The following ZBTB16 variants were observed in gnomAD, a reference collection of about 807,000 sequenced individuals.
The protein encoded by ZBTB16 is zinc finger and BTB domain-containing protein 16.
A neutral mutation model predicts 56.8 loss-of-function variants in ZBTB16; 8 were observed. The observed-to-expected ratio is 0.14, with a 90% CI of 0.08 to 0.25. ZBTB16 has a LOEUF of 0.25. ZBTB16 is among the 10% of genes least tolerant of loss of function. ZBTB16 has a pLI of 1.00. For missense variants in ZBTB16, 625 were observed against 903.0 expected (o/e 0.69, Z 3.95); for synonymous variants, 363 against 368.5 (o/e 0.98, Z 0.17).
chr11:114,096,410 G>A (rs566257850), intron 2 of ZBTB16, among the ~76,000 whole-genome samples: 8 of 152,282 alleles, frequency 5.3e-5, no homozygotes, highest in East Asian at 1.9e-4. Flanking sequence ...TTTTTAAGCC[G>A]TTGAGAGATG....
intron 4 of ZBTB16, among the ~76,000 whole-genome samples, chr11:114,218,252 C>T (rs945104386): frequency 2.0e-5 from 3 of 152,190 alleles, no homozygotes; most frequent in African/African-American, 7.2e-5. Flanking sequence ...CTGCACGTAC[C>T]ATCCCTTTGC....
intron 2 of ZBTB16, among the ~76,000 whole-genome samples, chr11:114,077,616 C>T (rs898767260): frequency 7.2e-5 from 11 of 152,240 alleles, no homozygotes; most frequent in Non-Finnish European, 7.4e-5. Flanking sequence ...ACGGCTGTTG[C>T]GCAGAGGAGA....
chr11:114,235,720 T>C (rs912079395), intron 4 of ZBTB16, among the ~76,000 whole-genome samples: 4 of 115,260 alleles, frequency 3.5e-5, no homozygotes, highest in Admixed American at 9.5e-5. Context: ...TTCTTTCTTT[T>C]TCTTTCTTTC....
At position 114,254,350 on chromosome 11, in the gene ZBTB16, G is replaced by C. The variant is rs959096714; in HGVS notation, c.*3795G>C. Among the ~76,000 whole-genome samples, 1 of 152,044 alleles carries C rather than the reference G, an allele frequency of 6.6e-6. No individual in the cohort carries two copies. The highest frequency in any genetic ancestry group is 1.5e-5 in the Non-Finnish European group (1 of 68,024). On this transcript the variant is annotated 3_prime_UTR_variant, in exon 7 of 7. Transcript: ENST00000335953. ...TTCAGTACAATCCAAGGGATGCAAC[G>C]CGGGCTTGTTTAATCTTTGTGCCTG... is the stretch of plus-strand genomic sequence containing the variant.
chr11:114,243,668 C>T (rs116984478), intron 5 of ZBTB16, among the ~76,000 whole-genome samples: 1 of 152,314 alleles, frequency 6.6e-6, no homozygotes, highest in East Asian at 1.9e-4. Flanking sequence ...TAAGCATTTC[C>T]CCTGCAGCTA....
chr11:114,065,757 T>C (rs989243924), intron 2 of ZBTB16, among the ~76,000 whole-genome samples: 3 of 152,206 alleles, frequency 2.0e-5, no homozygotes, highest in African/African-American at 7.2e-5. Flanking sequence ...AAGGCTCAGA[T>C]GTCAAGTCTC....
chr11:114,059,960 G>C lies in ZBTB16; in HGVS notation c.-91+78G>C, dbSNP rs940042929. ...GGCTTCCCGGGGCTGGAGAGGTCTG[G>C]GGGGCGCGCGCTCGCTTCGGCCACT... On this transcript the variant is annotated intron_variant, in intron 1 of 6. Transcript: ENST00000335953. The surrounding 1 kb of genome is among the most constrained non-coding windows in gnomAD (Gnocchi z 5.3). 174 of 394,808 alleles carry C rather than the reference G, an allele frequency of 4.4e-4. No individual in the cohort carries two copies. The highest frequency in any genetic ancestry group is 7.1e-5 in the Non-Finnish European group (16 of 224,106). The allele number at this position is 394,808 out of a possible 1,614,324, so 24.5% of individuals were successfully genotyped here. A position where few individuals can be genotyped will look rare whatever the true frequency, so the allele number is the denominator to read the frequency against.
chr11:114,159,591 G>T (rs1464760345), intron 3 of ZBTB16, among the ~76,000 whole-genome samples: 1 of 152,090 alleles, frequency 6.6e-6, no homozygotes, highest in Non-Finnish European at 1.5e-5. Context: ...TGAATTGTTT[G>T]GCCACTGTTA....
chr11:114,131,349 C>G (rs1310421443), intron 2 of ZBTB16, among the ~76,000 whole-genome samples: 2 of 152,156 alleles, frequency 1.3e-5, no homozygotes, highest in Admixed American at 6.5e-5. Flanking sequence ...GCTGAGAAAC[C>G]CTTTCAAAAT....
Position 114,254,811 on chromosome 11 carries a change from C to T in ZBTB16, c.*4256C>T, listed in dbSNP as rs1010296379. Among the ~76,000 whole-genome samples the T allele has an allele frequency of 6.6e-6, 1 of 152,098 alleles. No homozygotes were observed. The highest frequency in any genetic ancestry group is 2.1e-4 in the South Asian group (1 of 4,826). On this transcript the variant is annotated 3_prime_UTR_variant, in exon 7 of 7. Coordinates refer to ENST00000335953, the MANE Select transcript of ZBTB16 (RefSeq NM_006006.6). Reference sequence around the variant, plus strand: ...AGGATGAAAGGCGAGACTCACCCTACGCGGTGGGACAGATGGGGAGAGGAA... The same window carrying T: ...AGGATGAAAGGCGAGACTCACCCTATGCGGTGGGACAGATGGGGAGAGGAA...
intron 4 of ZBTB16, among the ~76,000 whole-genome samples, chr11:114,206,036 A>G (rs1943863719): frequency 6.6e-6 from 1 of 152,136 alleles, no homozygotes; most frequent in Non-Finnish European, 1.5e-5. Flanking sequence ...TGGGACACCC[A>G]CTGGGCCCCA....
At chr11:114,128,113 G>A (rs1431078711) in intron 2 of ZBTB16, among the ~76,000 whole-genome samples, 2 of 152,190 alleles carry the variant, frequency 1.3e-5, no homozygotes, top group African/African-American at 4.8e-5. Context: ...GAAAATCTCT[G>A]TCTCTCTGGG....
intron 4 of ZBTB16, among the ~76,000 whole-genome samples, chr11:114,214,539 A>G (rs998537837): frequency 1.8e-4 from 28 of 152,214 alleles, no homozygotes; most frequent in African/African-American, 4.8e-4. Context: ...GAGAGATTCT[A>G]TATCTTGCTG....
At chr11:114,219,192 G>C (rs1365405078) in intron 4 of ZBTB16, among the ~76,000 whole-genome samples, 3 of 152,196 alleles carry the variant, frequency 2.0e-5, no homozygotes, top group Non-Finnish European at 4.4e-5. Flanking sequence ...CCAGGGTAGG[G>C]AAGGAAGAGT....
intron 3 of ZBTB16, among the ~76,000 whole-genome samples, chr11:114,163,406 GTTGT>G (rs1439747439): frequency 6.6e-6 from 1 of 151,834 alleles, no homozygotes; most frequent in African/African-American, 2.4e-5. Flanking sequence ...TGTTGTGTGG[GTTGT>G]TTTTGTTTTT....
At chr11:114,103,883 C>A (rs112581899) in intron 2 of ZBTB16, among the ~76,000 whole-genome samples, 2 of 152,084 alleles carry the variant, frequency 1.3e-5, no homozygotes, top group Admixed American at 1.3e-4. Flanking sequence ...CTGACCCTAG[C>A]GTGTGGGTTT....
intron 2 of ZBTB16, among the ~76,000 whole-genome samples, chr11:114,068,243 T>TG (rs1555125372): frequency 1.3e-5 from 2 of 151,574 alleles, no homozygotes; most frequent in Non-Finnish European, 2.9e-5. Context: ...CTTCTTGGGG[T>TG]GGGGGGGCAG....
At chr11:114,228,927 C>T (rs969045097) in intron 4 of ZBTB16, among the ~76,000 whole-genome samples, 8 of 152,180 alleles carry the variant, frequency 5.3e-5, no homozygotes, top group Admixed American at 6.5e-5. Context: ...GTCAGCTGTC[C>T]CTCCCCTTCC....
intron 4 of ZBTB16, among the ~76,000 whole-genome samples, chr11:114,197,956 G>A (rs914149851): frequency 1.3e-5 from 2 of 151,894 alleles, no homozygotes; most frequent in Admixed American, 6.6e-5. Context: ...CCTCCCAGTG[G>A]CTGGTCCCAG....
Sources: gnomAD v4.1 joint callset for allele counts (sites outside exome capture counted in the v4.1 genomes callset) on GRCh38, gnomAD v4.1.1 for gene constraint, Gnocchi (gnomAD v3.1) non-coding constraint, MANE v1.5 for transcripts, NCBI Gene and HGNC (gene_info 2026-07-23, HGNC 2026-07-21) for gene names.